Variants in CCDC3 observed in about 807,000 individuals in gnomAD.
CCDC3 encodes coiled-coil domain-containing protein 3.
A neutral mutation model predicts 21.4 loss-of-function variants in CCDC3; 24 were observed. That is an observed-to-expected ratio of 1.12 (90% CI 0.81 to 1.58). The LOEUF is 1.58. Ranked by LOEUF, CCDC3 falls within the 40% of genes most tolerant of loss-of-function variation. The pLI is 0.00. For missense variants in CCDC3, 425 were observed against 360.9 expected (o/e 1.18, Z -1.44); for synonymous variants, 186 against 166.0 (o/e 1.12, Z -0.93).
At chr10:12,916,102 T>C (rs2131209881) in intron 2 of CCDC3, among the ~76,000 whole-genome samples, 1 of 152,170 alleles carries the variant, frequency 6.6e-6, no homozygotes, top group East Asian at 1.9e-4. Context: ...ATGCAGGGGC[T>C]GCCCTGGCAC....
chr10:12,983,063 G>C (rs760290859), intron 2 of CCDC3, among the ~76,000 whole-genome samples: 4 of 146,722 alleles, frequency 2.7e-5, no homozygotes, highest in Non-Finnish European at 6.0e-5. Flanking sequence ...AGTGAGCCAA[G>C]GTCATGCCAC....
chr10:13,051,038 A>C (rs1588406691), intron 4 of CCDC3, among the ~76,000 whole-genome samples: 1 of 152,036 alleles, frequency 6.6e-6, no homozygotes, highest in South Asian at 2.1e-4. Flanking sequence ...CCATCCTTCC[A>C]CCTTAGCCAC....
At chr10:12,987,582 T>A (rs1366614451) in intron 2 of CCDC3, among the ~76,000 whole-genome samples, 2 of 152,176 alleles carry the variant, frequency 1.3e-5, no homozygotes, top group Non-Finnish European at 2.9e-5. Flanking sequence ...TTAAAACCTA[T>A]CAAGGACCTG....
chr10:12,905,819 A>G (rs1834162221), intron 2 of CCDC3, among the ~76,000 whole-genome samples: 2 of 152,190 alleles, frequency 1.3e-5, no homozygotes, highest in African/African-American at 4.8e-5. Context: ...GTCAGTGTGG[A>G]TAAGGGTCTG....
At chr10:13,061,927 C>A (rs926357514) in intron 4 of CCDC3, among the ~76,000 whole-genome samples, 6 of 152,122 alleles carry the variant, frequency 3.9e-5, no homozygotes, top group African/African-American at 1.4e-4. Flanking sequence ...AGAAAAAGAT[C>A]TAGCTATGTT....
intron 4 of CCDC3, among the ~76,000 whole-genome samples, chr10:13,072,944 G>A (rs1200681930): frequency 7.0e-6 from 1 of 143,400 alleles, no homozygotes; most frequent in African/African-American, 2.5e-5. Flanking sequence ...TCGGCTCACT[G>A]CAACCTCCAC....
At chr10:13,076,735 ATG>A (rs1040836959) in intron 3 of CCDC3, among the ~76,000 whole-genome samples, 10 of 152,322 alleles carry the variant, frequency 6.6e-5, no homozygotes, top group African/African-American at 2.4e-4. Flanking sequence ...TTATTTGGGA[ATG>A]TTATTACTTT....
chr10:12,901,696 T>C (rs188335301), intron 2 of CCDC3, among the ~76,000 whole-genome samples: 1 of 152,354 alleles, frequency 6.6e-6, no homozygotes, highest in East Asian at 1.9e-4. Context: ...CATGCCCTCG[T>C]GCACAGTAAA....
In CCDC3 at chr10:12,935,265, C is replaced by T. The variant is rs561517449; in HGVS notation, c.550-36586G>A. Among the ~76,000 whole-genome samples, 4 of 152,288 alleles carry T rather than the reference C, an allele frequency of 2.6e-5. No homozygotes were observed. In the South Asian group the frequency reaches 8.3e-4, roughly 32 times the overall value. Reference sequence around the variant, plus strand: ...ACAGAATTTTGCTCTGTCACCCAGGCTGGAGTGCAGTGGCACAATTTCAGC... The same window carrying T: ...ACAGAATTTTGCTCTGTCACCCAGGTTGGAGTGCAGTGGCACAATTTCAGC... On this transcript the variant is annotated intron_variant, in intron 2 of 2. Coordinates refer to ENST00000378825, the MANE Select transcript of CCDC3 (RefSeq NM_031455.4).
intron 2 of CCDC3, among the ~76,000 whole-genome samples, chr10:12,911,664 GT>G (rs1313518097): frequency 3.3e-5 from 5 of 152,020 alleles, no homozygotes; most frequent in Admixed American, 1.3e-4. Flanking sequence ...CCATTTTTTT[GT>G]AGTGAGAACA....
At chr10:12,903,387 A>C (rs1312591157) in intron 2 of CCDC3, among the ~76,000 whole-genome samples, 1 of 152,264 alleles carries the variant, frequency 6.6e-6, no homozygotes, top group Non-Finnish European at 1.5e-5. Flanking sequence ...AATGCTTTCC[A>C]AATGAAATCC....
chr10:12,999,357 G>A (rs563622275), intron 1 of CCDC3, among the ~76,000 whole-genome samples: 1 of 152,336 alleles, frequency 6.6e-6, no homozygotes, highest in East Asian at 1.9e-4. Flanking sequence ...CAGTATGCAT[G>A]TTAGTGAACA....
chr10:12,917,032 G>A (rs1441220233), intron 2 of CCDC3, among the ~76,000 whole-genome samples: 1 of 152,124 alleles, frequency 6.6e-6, no homozygotes, highest in Non-Finnish European at 1.5e-5. Context: ...GCATGGCACT[G>A]GGTTTTTCTG....
chr10:12,913,760 T>A (rs957626449), intron 2 of CCDC3, among the ~76,000 whole-genome samples: 1 of 152,242 alleles, frequency 6.6e-6, no homozygotes, highest in Non-Finnish European at 1.5e-5. Flanking sequence ...ATTCCTTCTA[T>A]ACCTAATTTG....
chr10:13,077,040 T>C (rs1836973195), intron 3 of CCDC3, among the ~76,000 whole-genome samples: 1 of 152,146 alleles, frequency 6.6e-6, no homozygotes, highest in East Asian at 1.9e-4. Context: ...AAATAAAGGG[T>C]ATTCAATTAG....
intron 3 of CCDC3, among the ~76,000 whole-genome samples, chr10:13,092,403 T>C (rs747933099): frequency 1.3e-4 from 20 of 152,210 alleles, no homozygotes; most frequent in Non-Finnish European, 1.3e-4. Flanking sequence ...CCAAGTTCAC[T>C]AACAGATCTT....
At position 12,896,764 on chromosome 10, in the gene CCDC3, C is replaced by T. The variant is rs549219095; in HGVS notation, c.*1652G>A. On this transcript the variant is annotated 3_prime_UTR_variant, in exon 3 of 3. Transcript: ENST00000378825. Reference sequence around the variant, plus strand: ...ATTCCCTTGCGGGGGCGCAAAACTGCTTTGAGGAAATGTCCCCAGGAGGAA... The same window carrying T: ...ATTCCCTTGCGGGGGCGCAAAACTGTTTTGAGGAAATGTCCCCAGGAGGAA... 1 of 152,890 alleles carries T rather than the reference C, an allele frequency of 6.5e-6. No individual in the cohort carries two copies. The highest frequency in any genetic ancestry group is 1.9e-4 in the East Asian group (1 of 5,192). The allele number at this position is 152,890 out of a possible 1,614,324, so 9.5% of individuals were successfully genotyped here.
intron 2 of CCDC3, among the ~76,000 whole-genome samples, chr10:12,939,192 T>A (rs1441965472): frequency 6.6e-6 from 1 of 152,262 alleles, no homozygotes; most frequent in Non-Finnish European, 1.5e-5. Context: ...TCCTACTTTA[T>A]AAATCTAGTG....
At chr10:12,903,268 A>T (rs758810352) in intron 2 of CCDC3, among the ~76,000 whole-genome samples, 73 of 152,224 alleles carry the variant, frequency 4.8e-4, no homozygotes, top group African/African-American at 1.7e-3. Flanking sequence ...GCCCTCTGGC[A>T]TCCCAGCTAT....
Sources: allele counts gnomAD v4.1 joint callset (sites outside exome capture counted in the v4.1 genomes callset), GRCh38; gene constraint gnomAD v4.1.1; transcripts MANE v1.5; gene names NCBI Gene and HGNC (gene_info 2026-07-23, HGNC 2026-07-21).